The following NAA25 variants were observed in gnomAD, a reference collection of about 807,000 sequenced individuals.
NAA25 encodes N-alpha-acetyltransferase 25, NatB auxiliary subunit, also known as N-terminal acetyltransferase B complex subunit NAA25.
In NAA25, 30 loss-of-function variants were observed where a neutral mutation model predicts 132.5. The observed-to-expected ratio is 0.23, with a 90% CI of 0.17 to 0.31. NAA25 has a LOEUF of 0.31. Ranked by LOEUF, NAA25 falls within the 10% of genes least tolerant of loss-of-function variation. NAA25 has a pLI of 1.00. For missense variants in NAA25, 771 were observed against 1,150.4 expected (o/e 0.67, Z 4.77); for synonymous variants, 359 against 401.9 (o/e 0.89, Z 1.28).
intron 2 of NAA25, 54 bp from the exon 3 acceptor site, chr12:112,090,918 A>T: frequency 6.6e-7 from 1 of 1,519,872 alleles, no homozygotes; most frequent in Admixed American, 2.0e-5. Context: ...AGGAAATATG[A>T]ACCAAAGAAA....
At chr12:112,080,953 G>A (rs1039599333) in intron 5 of NAA25, 107 bp downstream of exon 5, 17 of 920,548 alleles carry the variant, frequency 1.8e-5, no homozygotes, top group African/African-American at 5.0e-5. Flanking sequence ...GGGTGACAGC[G>A]TGACCCTGTC....
chr12:112,029,626 GCA>G lies in NAA25; in HGVS notation c.2822_2823del (p.Val941AlafsTer24). 6.2e-7 allele frequency: 1 copy of G among 1,613,542 alleles called. No individual in the cohort carries two copies. The highest frequency in any genetic ancestry group is 8.5e-7 in the Non-Finnish European group (1 of 1,179,862). On this transcript the variant is annotated frameshift_variant, in exon 24 of 24. Coordinates refer to ENST00000261745, the MANE Select transcript of NAA25 (RefSeq NM_024953.4). LOFTEE classifies it high-confidence loss of function. ...AGATAACTGCTCTGCACCTTCCCTT[GCA>G]CAGTCTTTGAAAATTTTCTCTCTTC... ...SPEERKFSKTVQGKVQSSYLH... is the reference protein window; with the variant it reads ...SPEERKFSKTXQGKVQSSYLH...
At position 112,053,821 on chromosome 12, in the gene NAA25, T is replaced by TAAAA. The variant is rs4041251; in HGVS notation, c.1629-168_1629-165dup. ...ATGATCTAATTCACCAGTTAAAATT[T>TAAAA]AAAAAAAAAAAAAAAAAAAAGCCAA... On this transcript the variant is annotated intron_variant, in intron 14 of 23. Coordinates refer to ENST00000261745, the MANE Select transcript of NAA25 (RefSeq NM_024953.4). Among the ~76,000 whole-genome samples, 123 of 114,326 alleles carry TAAAA rather than the reference T, an allele frequency of 1.1e-3. 3 individuals are homozygous for TAAAA. The highest frequency in any genetic ancestry group is 3.5e-3 in the African/African-American group (111 of 31,324). The allele number at this position is 114,326 out of a possible 152,430, so 75.0% of individuals were successfully genotyped here.
chr12:112,057,019 C>T (rs1332880404), intron 13 of NAA25, among the ~76,000 whole-genome samples: 1 of 151,966 alleles, frequency 6.6e-6, no homozygotes, highest in African/African-American at 2.4e-5. Context: ...AAAACCCCGT[C>T]TCTACTAAAA....
In NAA25 at chr12:112,029,766, A is replaced by T. The variant is rs2078125398; in HGVS notation, c.2797-113T>A. ...TACCTTTGGTCTCATTGCAAGCTCC[A>T]TCAGAACACAGTGGGTCATTTTCAA... On this transcript the variant is annotated intron_variant, in intron 23 of 23. Transcript: ENST00000261745. 6 of 1,431,086 alleles carry T rather than the reference A, an allele frequency of 4.2e-6. No individual in the cohort carries two copies. In the African/African-American group the frequency reaches 8.6e-5, roughly 20 times the overall value. 88.6% of individuals were successfully genotyped at this position (1,431,086 alleles called of 1,614,324 possible). A position where few individuals can be genotyped will look rare whatever the true frequency, so the allele number is the denominator to read the frequency against.
At chr12:112,087,540 A>C in intron 4 of NAA25, 143 bp downstream of exon 4, 1 of 626,266 alleles carries the variant, frequency 1.6e-6, no homozygotes, top group Non-Finnish European at 2.8e-6. Flanking sequence ...CACATAAGGA[A>C]AACAACTGAC....
chr12:112,075,619 A>G (rs2078884272), intron 8 of NAA25, 59 bp downstream of exon 8: 24 of 1,322,538 alleles, frequency 1.8e-5, no homozygotes, highest in Non-Finnish European at 2.3e-5. Context: ...AAGAAAATCA[A>G]TAGTGAGGTC....
intron 11 of NAA25, 145 bp downstream of exon 11, chr12:112,068,733 CAT>C (rs2078756297): frequency 5.8e-6 from 3 of 515,370 alleles, no homozygotes; most frequent in South Asian, 3.4e-5. Flanking sequence ...TGTTGTAACA[CAT>C]AGAGTACTTA....
chr12:112,030,776 G>A (rs556730263), intron 23 of NAA25, among the ~76,000 whole-genome samples: 8 of 152,248 alleles, frequency 5.3e-5, no homozygotes, highest in African/African-American at 1.9e-4. Context: ...ATAGAAAGGT[G>A]TGCACAAATA....
chr12:112,044,073 G>A (rs1056191887), intron 17 of NAA25, among the ~76,000 whole-genome samples: 2 of 151,684 alleles, frequency 1.3e-5, no homozygotes, highest in Middle Eastern at 3.4e-3. Flanking sequence ...GCCTACAGGC[G>A]CCTGCCACCA....
chr12:112,091,191 G>A (rs2079123407), intron 2 of NAA25, among the ~76,000 whole-genome samples: 1 of 151,804 alleles, frequency 6.6e-6, no homozygotes, highest in Non-Finnish European at 1.5e-5. Context: ...GAGCCCGGGA[G>A]GTTGATCACG....
At chr12:112,045,700 C>G (rs1256279075) in intron 17 of NAA25, among the ~76,000 whole-genome samples, 1 of 151,976 alleles carries the variant, frequency 6.6e-6, no homozygotes, top group African/African-American at 2.4e-5. Context: ...GAGGCTGAGG[C>G]AGGAGAATCC....
At chr12:112,053,205 G>A (rs1036025952) in intron 15 of NAA25, among the ~76,000 whole-genome samples, 3 of 152,212 alleles carry the variant, frequency 2.0e-5, no homozygotes, top group Middle Eastern at 3.2e-3. Context: ...TGCTATTGCA[G>A]GATGTTACAC....
Position 112,061,255 on chromosome 12 carries a change from T to C in NAA25, c.1283A>G (p.His428Arg), listed in dbSNP as rs1294751631. The C allele has an allele frequency of 1.9e-6, 3 of 1,614,074 alleles. No homozygotes were observed. Among genetic ancestry groups the C allele is most frequent in the Admixed American group, 3.3e-5 (2 of 60,004 alleles). Residue 428 changes from histidine (H) to arginine (R), a missense_variant, in exon 12 of 24, where the codon CAC becomes CGC. Coordinates refer to ENST00000261745, the MANE Select transcript of NAA25 (RefSeq NM_024953.4). ...CAATTTCTGATTTTTATCCATGGTG[T>C]GGTACAAGCCAAGTAACCTCGTCAG... ...VQLTRLLGLY[H>R]TMDKNQKLSV...
chr12:112,044,801 G>C (rs777710355), intron 17 of NAA25, among the ~76,000 whole-genome samples: 1 of 151,834 alleles, frequency 6.6e-6, no homozygotes, highest in African/African-American at 2.4e-5. Context: ...CAGCACTTTG[G>C]GAAGCTGAGG....
chr12:112,027,308 AAT>A lies in NAA25; in HGVS notation c.*2221_*2222del, dbSNP rs148633753. The A allele has an allele frequency of 3.0e-3, 442 of 149,136 alleles. 1 individual carries two copies. The highest frequency in any genetic ancestry group is 7.9e-3 in the African/African-American group (323 of 40,846). 9.2% of individuals were successfully genotyped at this position (149,136 alleles called of 1,614,324 possible). ...AGAGGGTGCTTTTTACTCATGTAAGAATATATATATATATATATTTTTTTAAC... is the reference window on the plus strand; with the variant it reads ...AGAGGGTGCTTTTTACTCATGTAAGAATATATATATATATATTTTTTTAAC... On this transcript the variant is annotated 3_prime_UTR_variant, in exon 24 of 24. Transcript: ENST00000261745.
At chr12:112,058,040 G>C (rs899745237) in intron 13 of NAA25, among the ~76,000 whole-genome samples, 2 of 152,040 alleles carry the variant, frequency 1.3e-5, no homozygotes, top group Admixed American at 1.3e-4. Flanking sequence ...ACAGCTACTC[G>C]GGCAGCTGAG....
intron 1 of NAA25, among the ~76,000 whole-genome samples, chr12:112,106,951 T>C (rs1410119665): frequency 1.1e-5 from 1 of 88,624 alleles, no homozygotes; most frequent in Non-Finnish European, 2.0e-5. Context: ...AATGAGACTG[T>C]CTCCAAAAAA....
At position 112,068,859 on chromosome 12, in the gene NAA25, T is replaced by C. The variant is rs754243225; in HGVS notation, c.1149+21A>G. ...AACAAATAGAGGCACCCAACAAACT[T>C]CTAAACTGTATAGTACTTACTTTTG... On this transcript the variant is annotated intron_variant, in intron 11 of 23. Transcript: ENST00000261745. 1.4e-5 allele frequency: 20 copies of C among 1,416,944 alleles called. 1 individual carries two copies. The South Asian group carries it at 2.5e-4, about 18-fold the overall frequency. The allele number at this position is 1,416,944 out of a possible 1,614,324, so 87.8% of individuals were successfully genotyped here.
Sources: gnomAD v4.1 joint callset for allele counts (sites outside exome capture counted in the v4.1 genomes callset) on GRCh38, gnomAD v4.1.1 for gene constraint, MANE v1.5 for transcripts, NCBI Gene and HGNC (gene_info 2026-07-23, HGNC 2026-07-21) for gene names.